Variants in UBE2E1 observed in about 807,000 individuals in gnomAD.
UBE2E1 encodes the protein ubiquitin-conjugating enzyme E2 E1.
Under a neutral mutation model 21.4 loss-of-function variants are expected in UBE2E1, and 6 were observed. That is an observed-to-expected ratio of 0.28 (90% CI 0.15 to 0.55). The LOEUF (loss-of-function observed/expected upper bound fraction) is 0.55, where lower values mean the gene tolerates loss of function less well. UBE2E1 is among the 20% of genes least tolerant of loss of function. The probability of loss-of-function intolerance (pLI) is 0.93; values close to 1 mark genes in which losing one functional copy is unlikely to be tolerated. For missense variants in UBE2E1, 142 were observed against 236.5 expected (o/e 0.60, Z 2.62); for synonymous variants, 87 against 82.7 (o/e 1.05, Z -0.28).
Position 23,811,342 on chromosome 3 carries a change from T to G in UBE2E1, c.153-118T>G, listed in dbSNP as rs111583153. ...AAGTTCTTGATGTGTAGTTCCTCTT[T>G]GCCCAGTAGAATCCAGTGATCGCGC... On this transcript the variant is annotated intron_variant, in intron 2 of 5. Transcript: ENST00000306627. 4.4e-3 allele frequency: 4,119 copies of G among 928,930 alleles called. 86 individuals are homozygous for G. The African/African-American group carries it at 0.056, about 13-fold the overall frequency. 57.5% of individuals were successfully genotyped at this position (928,930 alleles called of 1,614,324 possible).
intron 3 of UBE2E1, among the ~76,000 whole-genome samples, chr3:23,817,844 G>A (rs1356202117): frequency 6.6e-6 from 1 of 152,182 alleles, no homozygotes; most frequent in Non-Finnish European, 1.5e-5. Context: ...GTGTTCTTCA[G>A]TGTCAGGCTA....
rs1701429074 is a variant in UBE2E1, at chr3:23,891,160, G to A, written c.*554G>A. 2 of 152,524 alleles carry A rather than the reference G, an allele frequency of 1.3e-5. No individual in the cohort carries two copies. Among genetic ancestry groups the A allele is most frequent in the African/African-American group, 2.4e-5 (1 of 41,418 alleles). 9.4% of individuals were successfully genotyped at this position (152,524 alleles called of 1,614,324 possible). ...CTTTGTTTAAAAAAGGTCTGAATCA[G>A]GACTTGTGAAAACCTGTAGTGAAAT... On this transcript the variant is annotated 3_prime_UTR_variant, in exon 6 of 6. Transcript: ENST00000306627.
chr3:23,860,500 C>T (rs1472717173), intron 3 of UBE2E1, among the ~76,000 whole-genome samples: 1 of 152,168 alleles, frequency 6.6e-6, no homozygotes, highest in Non-Finnish European at 1.5e-5. Context: ...CAGAAATGGA[C>T]TGTATTAAAG....
rs980592693 is a variant in UBE2E1 at position 23,880,550 on chromosome 3, C to T, written c.204-7017C>T. 3.3e-5 allele frequency among the ~76,000 whole-genome samples: 5 copies of T among 152,154 alleles called. No individual in the cohort carries two copies. In the East Asian group the frequency reaches 5.8e-4, roughly 18 times the overall value. On this transcript the variant is annotated intron_variant, in intron 3 of 5. Transcript: ENST00000306627. ...TTGTGCTCCAGCCTGGGTGACACAG[C>T]AAGACTGTGACTCGAAAAATATCCT...
At chr3:23,882,950 C>T (rs1701088292) in intron 3 of UBE2E1, among the ~76,000 whole-genome samples, 1 of 152,218 alleles carries the variant, frequency 6.6e-6, no homozygotes, top group Admixed American at 6.5e-5. Context: ...AGGGAGCCAG[C>T]TCCAGCCTCA....
chr3:23,854,103 GAAAAA>G (rs1272496570), intron 3 of UBE2E1, among the ~76,000 whole-genome samples: 1 of 151,936 alleles, frequency 6.6e-6, no homozygotes, highest in Non-Finnish European at 1.5e-5. Flanking sequence ...ACTAAAAATA[GAAAAA>G]TTAACCGATT....
intron 3 of UBE2E1, among the ~76,000 whole-genome samples, chr3:23,857,060 G>A (rs922052185): frequency 6.6e-6 from 1 of 151,592 alleles, no homozygotes; most frequent in African/African-American, 2.4e-5. Flanking sequence ...GAGCCTGGCA[G>A]GTCTTTGGTG....
At chr3:23,841,421 G>A (rs1433246902) in intron 3 of UBE2E1, among the ~76,000 whole-genome samples, 1 of 151,714 alleles carries the variant, frequency 6.6e-6, no homozygotes. Context: ...TTCTTACTCA[G>A]AATTAGATGT....
rs546951823 is a variant in UBE2E1, at chr3:23,857,463, A to G, written c.204-30104A>G. Among the ~76,000 whole-genome samples, 5 of 152,340 alleles carry G rather than the reference A, an allele frequency of 3.3e-5. No homozygotes were observed. The East Asian group carries it at 7.7e-4, about 23-fold the overall frequency. On this transcript the variant is annotated intron_variant, in intron 3 of 5. Transcript: ENST00000306627. ...GCAAGGAATACCAAGACAACTGAGAAGTCCTTATAAAGAACACATTCAGTA... is the reference window on the plus strand; with the variant it reads ...GCAAGGAATACCAAGACAACTGAGAGGTCCTTATAAAGAACACATTCAGTA...
At position 23,810,882 on chromosome 3, in the gene UBE2E1, C is replaced by G. The variant is rs529280389; in HGVS notation, c.153-578C>G. On this transcript the variant is annotated intron_variant, in intron 2 of 5. Transcript: ENST00000306627. The surrounding 1 kb of genome is among the most constrained non-coding windows in gnomAD (Gnocchi z 5.8). ...TGCGGTCTGGGCCTCCCGGGCACCC[C>G]GCCACGGCTGGCAGGTCACTCGGGC... 1.2e-5 allele frequency: 2 copies of G among 161,022 alleles called. No individual in the cohort carries two copies. Among genetic ancestry groups the G allele is most frequent in the Non-Finnish European group, 2.7e-5 (2 of 74,156 alleles). The allele number at this position is 161,022 out of a possible 1,614,324, so 10.0% of individuals were successfully genotyped here. A position where few individuals can be genotyped will look rare whatever the true frequency, so the allele number is the denominator to read the frequency against.
chr3:23,820,276 A>T (rs1003679733), intron 3 of UBE2E1, among the ~76,000 whole-genome samples: 1 of 152,130 alleles, frequency 6.6e-6, no homozygotes, highest in African/African-American at 2.4e-5. Context: ...CCTCTGGGAA[A>T]CCTCCTCCTT....
chr3:23,889,715 T>G, intron 5 of UBE2E1: 1 of 985,376 alleles, frequency 1.0e-6, no homozygotes, highest in Non-Finnish European at 1.2e-6. Context: ...ACTTAGTGAC[T>G]ATTGAATTGT....
intron 1 of UBE2E1, 80 bp from the exon 2 acceptor site, chr3:23,807,157 C>T (rs1699296739): frequency 4.7e-6 from 6 of 1,273,960 alleles, no homozygotes; most frequent in Non-Finnish European, 4.2e-6. Flanking sequence ...TGGTCAATGC[C>T]CTCCTGACAG....
intron 3 of UBE2E1, among the ~76,000 whole-genome samples, chr3:23,837,663 G>C (rs903776674): frequency 6.6e-6 from 1 of 152,214 alleles, no homozygotes; most frequent in Middle Eastern, 3.2e-3. Context: ...TTTATAAAGC[G>C]TTGGAGATAG....
At chr3:23,874,405 T>C (rs1700872052) in intron 3 of UBE2E1, among the ~76,000 whole-genome samples, 1 of 152,200 alleles carries the variant, frequency 6.6e-6, no homozygotes, top group African/African-American at 2.4e-5. Context: ...ATGCACAATA[T>C]AGTTAATCAT....
chr3:23,847,060 T>C (rs748365339), intron 3 of UBE2E1, among the ~76,000 whole-genome samples: 1 of 152,144 alleles, frequency 6.6e-6, no homozygotes. Context: ...ATATAGTTTA[T>C]CCCTAAATTT....
chr3:23,878,372 T>C (rs1700963506), intron 3 of UBE2E1, among the ~76,000 whole-genome samples: 1 of 152,230 alleles, frequency 6.6e-6, no homozygotes, highest in Non-Finnish European at 1.5e-5. Context: ...TTTCTTTTTC[T>C]GTTGCCACAA....
chr3:23,888,176 C>G (rs894460415), intron 4 of UBE2E1: 5 of 455,704 alleles, frequency 1.1e-5, no homozygotes, highest in African/African-American at 6.0e-5. Flanking sequence ...AGAATCTCTT[C>G]CCAAAGCTTT....
At chr3:23,821,318 G>A (rs541656222) in intron 3 of UBE2E1, among the ~76,000 whole-genome samples, 2 of 152,322 alleles carry the variant, frequency 1.3e-5, no homozygotes, top group Non-Finnish European at 2.9e-5. Flanking sequence ...AGATAGGAAA[G>A]GAAATGGCCT....
Sources: gnomAD v4.1 joint callset for allele counts (sites outside exome capture counted in the v4.1 genomes callset) on GRCh38, gnomAD v4.1.1 for gene constraint, Gnocchi (gnomAD v3.1) non-coding constraint, MANE v1.5 for transcripts, NCBI Gene and HGNC (gene_info 2026-07-23, HGNC 2026-07-21) for gene names.